ENTPD5: variants seen among roughly 807,000 people sequenced by gnomAD.
ENTPD5 encodes ectonucleoside triphosphate diphosphohydrolase 5 (inactive), also known as nucleoside diphosphate phosphatase ENTPD5.
A neutral mutation model predicts 60.2 loss-of-function variants in ENTPD5; 49 were observed. The observed-to-expected ratio is 0.81, with a 90% confidence interval of 0.65 to 1.03. The LOEUF is 1.03. Ranked by LOEUF, ENTPD5 falls within the 50% of genes least tolerant of loss-of-function variation. ENTPD5 has a pLI of 0.00. For synonymous variants in ENTPD5, 187 were observed against 185.4 expected (o/e 1.01, Z -0.07); for missense variants, 480 against 507.6 (o/e 0.95, Z 0.52).
At chr14:73,976,208 ACT>A in intron 9 of ENTPD5, 114 bp downstream of exon 9, 1 of 931,082 alleles carries the variant, frequency 1.1e-6, no homozygotes, top group South Asian at 1.5e-5. Context: ...TTATTAATTG[ACT>A]TGACTCTGCC....
At chr14:73,982,902 C>G in intron 6 of ENTPD5, 116 bp downstream of exon 6, 6 of 1,034,378 alleles carry the variant, frequency 5.8e-6, no homozygotes, top group Non-Finnish European at 8.6e-6. Flanking sequence ...CATCACAATG[C>G]TTTGGCAGTG....
At chr14:74,007,258 A>T (rs943026373) in intron 3 of ENTPD5, among the ~76,000 whole-genome samples, 5 of 152,184 alleles carry the variant, frequency 3.3e-5, no homozygotes, top group Admixed American at 3.3e-4. Context: ...GCGGTGGCTC[A>T]CGCCTGTAAT....
At chr14:73,973,418 T>G (rs1452759499) in intron 12 of ENTPD5, among the ~76,000 whole-genome samples, 1 of 152,212 alleles carries the variant, frequency 6.6e-6, no homozygotes, top group Non-Finnish European at 1.5e-5. Context: ...TGGTTTTAAG[T>G]TTTACTATAA....
chr14:73,961,039 C>T (rs2056697983), downstream of ENTPD5: 4 of 1,021,412 alleles, frequency 3.9e-6, no homozygotes, highest in Admixed American at 4.0e-5. Flanking sequence ...GGGCTTATCA[C>T]TTGTCAAGAT....
chr14:74,003,486 T>C, intron 3 of ENTPD5: 1 of 1,426,546 alleles, frequency 7.0e-7, no homozygotes, highest in East Asian at 2.6e-5. Flanking sequence ...CGCTAGCTTG[T>C]TGCACCGTGG....
downstream of ENTPD5, chr14:73,961,603 G>A: frequency 6.2e-7 from 1 of 1,611,184 alleles, no homozygotes; most frequent in Non-Finnish European, 8.5e-7. Context: ...GAAGTATCCA[G>A]AGGTCATATA....
chr14:73,974,728 TAATAA>T (rs2057366703), intron 11 of ENTPD5, among the ~76,000 whole-genome samples, 191 bp downstream of exon 11: 1 of 152,238 alleles, frequency 6.6e-6, no homozygotes, highest in Non-Finnish European at 1.5e-5. Context: ...TAAAAATGGC[TAATAA>T]TATACATCAA....
chr14:73,989,097 C>T (rs1321819643), intron 3 of ENTPD5, among the ~76,000 whole-genome samples: 1 of 151,114 alleles, frequency 6.6e-6, no homozygotes, highest in Non-Finnish European at 1.5e-5. Context: ...GCTGGGATTA[C>T]AGGCATAAGC....
At chr14:74,012,635 G>A (rs1242805058) in intron 2 of ENTPD5, among the ~76,000 whole-genome samples, 6 of 152,100 alleles carry the variant, frequency 3.9e-5, no homozygotes, top group African/African-American at 4.8e-5. Context: ...AAAAGGAACC[G>A]GTGGGGATTG....
chr14:73,961,993 G>T, downstream of ENTPD5: 1 of 1,479,884 alleles, frequency 6.8e-7, no homozygotes, highest in South Asian at 1.1e-5. Flanking sequence ...TATCGCCCAG[G>T]ATGGAGTGCA....
At chr14:73,992,542 G>C (rs1255132935) in intron 3 of ENTPD5, among the ~76,000 whole-genome samples, 1 of 151,926 alleles carries the variant, frequency 6.6e-6, no homozygotes, top group African/African-American at 2.4e-5. Flanking sequence ...AAAAAAATTA[G>C]GCGTGGTGGC....
At chr14:73,989,777 G>A (rs186358932) in intron 3 of ENTPD5, among the ~76,000 whole-genome samples, 2,398 of 147,838 alleles carry the variant, frequency 0.016, 29 homozygotes, top group Non-Finnish European at 0.024. Flanking sequence ...AGGTTGTAGC[G>A]AGCCGAGATC....
downstream of ENTPD5, chr14:73,955,384 T>TGGAG (rs2056386272): frequency 6.1e-6 from 7 of 1,156,568 alleles, no homozygotes; most frequent in Non-Finnish European, 9.2e-6. Context: ...CGTAACAGGA[T>TGGAG]GGAGGGACAA....
chr14:73,977,526 G>C, intron 6 of ENTPD5, 152 bp from the exon 7 acceptor site: 2 of 573,488 alleles, frequency 3.5e-6, no homozygotes, highest in East Asian at 6.0e-5. Flanking sequence ...TAAGAAACTA[G>C]AGAAGAAACT....
In ENTPD5 at chr14:73,970,025, G is replaced by A; in HGVS notation, c.1185C>T (p.Asp395=). The part of the protein sequence containing the change: ...ALLKDGFGFA[D]STVLQLTKKV... ...TGTCTCTTACCTGTAAGACTGTGCTGTCTGCAAAGCCAAAGCCATCCTTTA... is the reference window on the plus strand; with the variant it reads ...TGTCTCTTACCTGTAAGACTGTGCTATCTGCAAAGCCAAAGCCATCCTTTA... The change falls in exon 15 of 16, where the codon GAC becomes GAT. Residue 395 remains aspartate, a synonymous_variant. Transcript: ENST00000334696. 6.2e-7 allele frequency: 1 copy of A among 1,613,194 alleles called. No homozygotes were observed. Among genetic ancestry groups the A allele is most frequent in the Non-Finnish European group, 8.5e-7 (1 of 1,179,218 alleles).
chr14:73,975,844 TA>T, intron 10 of ENTPD5, 91 bp downstream of exon 10: 1 of 1,108,666 alleles, frequency 9.0e-7, no homozygotes, highest in Non-Finnish European at 1.3e-6. Context: ...TTGTTTTTGC[TA>T]ATCAGATACA....
intron 5 of ENTPD5, among the ~76,000 whole-genome samples, chr14:73,984,191 CTGAT>C (rs1594887790): frequency 6.6e-6 from 1 of 152,308 alleles, no homozygotes; most frequent in East Asian, 1.9e-4. Flanking sequence ...CAGCACCTGG[CTGAT>C]TATTTCATGT....
At chr14:74,011,864 G>A (rs1302525036) in intron 2 of ENTPD5, among the ~76,000 whole-genome samples, 1 of 152,074 alleles carries the variant, frequency 6.6e-6, no homozygotes, top group Non-Finnish European at 1.5e-5. Flanking sequence ...CCAAGCAGAT[G>A]GGGGCTTGGT....
At chr14:73,994,531 G>A (rs904108871) in intron 3 of ENTPD5, among the ~76,000 whole-genome samples, 4 of 148,924 alleles carry the variant, frequency 2.7e-5, no homozygotes, top group Admixed American at 6.7e-5. Context: ...TCAGGAGTTC[G>A]AAACCAGACT....
Sources: allele counts gnomAD v4.1 joint callset (sites outside exome capture counted in the v4.1 genomes callset), GRCh38; gene constraint gnomAD v4.1.1; transcripts MANE v1.5; gene names NCBI Gene and HGNC (gene_info 2026-07-23, HGNC 2026-07-21).